GAP43: variants seen among roughly 807,000 people sequenced by gnomAD.
The protein encoded by GAP43 is growth associated protein 43.
Under a neutral mutation model 18.6 loss-of-function variants are expected in GAP43, and 6 were observed. That is an observed-to-expected ratio of 0.32 (90% CI 0.18 to 0.64). The LOEUF (loss-of-function observed/expected upper bound fraction) is 0.64. Among genes scored for constraint, GAP43 ranks in the 30% least tolerant of loss-of-function variants. The pLI, the probability that GAP43 is intolerant of heterozygous loss-of-function variation, is 0.78. For missense variants in GAP43, 292 were observed against 295.5 expected (o/e 0.99, Z 0.09); for synonymous variants, 115 against 111.4 (o/e 1.03, Z -0.20).
chr3:115,695,895 G>T (rs1325128071), intron 2 of GAP43, among the ~76,000 whole-genome samples: 2 of 152,098 alleles, frequency 1.3e-5, no homozygotes, highest in Non-Finnish European at 2.9e-5. Context: ...TTTCATGATT[G>T]CTCGTCCAGG....
chr3:115,716,845 A>G (rs1167405594), intron 2 of GAP43, among the ~76,000 whole-genome samples: 1 of 143,680 alleles, frequency 7.0e-6, no homozygotes, highest in African/African-American at 2.6e-5. Context: ...CATCTAATCG[A>G]GTTTCATCAA....
intron 2 of GAP43, among the ~76,000 whole-genome samples, chr3:115,710,163 A>T (rs1448163609): frequency 6.6e-6 from 1 of 151,868 alleles, no homozygotes; most frequent in Non-Finnish European, 1.5e-5. Flanking sequence ...AGTGTAGATA[A>T]CTTATGGTTA....
intron 2 of GAP43, among the ~76,000 whole-genome samples, chr3:115,709,276 C>A (rs571335292): frequency 1.3e-5 from 2 of 152,270 alleles, no homozygotes; most frequent in African/African-American, 4.8e-5. Context: ...TTTTTTAATG[C>A]CTTTAGGCAA....
chr3:115,626,830 A>C (rs1003608584), intron 1 of GAP43, among the ~76,000 whole-genome samples: 1 of 152,044 alleles, frequency 6.6e-6, no homozygotes, highest in African/African-American at 2.4e-5. Flanking sequence ...TGAGAGTGTG[A>C]TCTGTGGTTT....
intron 1 of GAP43, among the ~76,000 whole-genome samples, chr3:115,666,235 T>C (rs1419020347): frequency 2.6e-5 from 4 of 152,008 alleles, no homozygotes; most frequent in South Asian, 2.1e-4. Context: ...AAACAGATCT[T>C]CCCCCTTCCC....
At chr3:115,681,193 C>G (rs538906962) in intron 2 of GAP43, among the ~76,000 whole-genome samples, 2 of 152,232 alleles carry the variant, frequency 1.3e-5, no homozygotes, top group East Asian at 3.9e-4. Context: ...TTTTTATTGG[C>G]TTTTCTTGAC....
intron 2 of GAP43, among the ~76,000 whole-genome samples, chr3:115,706,226 C>T (rs995004596): frequency 2.6e-5 from 4 of 152,128 alleles, no homozygotes; most frequent in Non-Finnish European, 5.9e-5. Context: ...TTTCCTGAAA[C>T]TTAAGGAATC....
At chr3:115,664,028 C>A (rs1400200747) in intron 1 of GAP43, 1 of 996,036 alleles carries the variant, frequency 1.0e-6, no homozygotes, top group Non-Finnish European at 1.5e-6. Context: ...AACTAATGTC[C>A]TTCTACTTAG....
At chr3:115,708,201 A>G (rs1249104638) in intron 2 of GAP43, among the ~76,000 whole-genome samples, 1 of 152,226 alleles carries the variant, frequency 6.6e-6, no homozygotes, top group East Asian at 1.9e-4. Flanking sequence ...GAAGAAGACT[A>G]AAAAGATACC....
chr3:115,695,794 C>T (rs535261260), intron 2 of GAP43, among the ~76,000 whole-genome samples: 72 of 152,308 alleles, frequency 4.7e-4, no homozygotes, highest in African/African-American at 1.6e-3. Flanking sequence ...ACCTCCACAT[C>T]GCCAAAACCC....
At chr3:115,717,324 T>TA (rs1264317458) in intron 2 of GAP43, among the ~76,000 whole-genome samples, 4 of 151,448 alleles carry the variant, frequency 2.6e-5, no homozygotes, top group Admixed American at 2.0e-4. Flanking sequence ...TCTTTTTTTT[T>TA]TTTTGACAGA....
intron 2 of GAP43, among the ~76,000 whole-genome samples, chr3:115,694,288 A>G (rs1709155572): frequency 6.6e-6 from 1 of 152,210 alleles, no homozygotes; most frequent in Non-Finnish European, 1.5e-5. Context: ...CTGTATGTCT[A>G]TTGAGCTTCT....
chr3:115,670,029 G>A (rs1276980397), intron 1 of GAP43, among the ~76,000 whole-genome samples: 3 of 131,366 alleles, frequency 2.3e-5, no homozygotes, highest in African/African-American at 8.6e-5. Context: ...AAGTTTTAGG[G>A]TACATGTGCA....
chr3:115,700,372 G>A (rs1054762034), intron 2 of GAP43, among the ~76,000 whole-genome samples: 5 of 151,826 alleles, frequency 3.3e-5, no homozygotes, highest in Admixed American at 2.6e-4. Context: ...ATAAAATTAC[G>A]CCTGTTTTGT....
intron 2 of GAP43, among the ~76,000 whole-genome samples, chr3:115,716,736 A>G: frequency 9.2e-6 from 1 of 108,924 alleles, no homozygotes; most frequent in Non-Finnish European, 1.9e-5. Flanking sequence ...ATATATATAT[A>G]TATATATATA....
At chr3:115,638,040 C>T (rs1016613700) in intron 1 of GAP43, among the ~76,000 whole-genome samples, 4 of 151,968 alleles carry the variant, frequency 2.6e-5, no homozygotes, top group African/African-American at 9.7e-5. Flanking sequence ...TATGTCTTGA[C>T]TCTATCCACT....
chr3:115,664,796 T>G (rs770273519), intron 1 of GAP43, among the ~76,000 whole-genome samples: 1 of 152,160 alleles, frequency 6.6e-6, no homozygotes, highest in Non-Finnish European at 1.5e-5. Context: ...CCTTAAACTG[T>G]CCAGCAGCTT....
At chr3:115,660,474 A>G (rs1466623009) in intron 1 of GAP43, among the ~76,000 whole-genome samples, 2 of 152,248 alleles carry the variant, frequency 1.3e-5, no homozygotes, top group East Asian at 1.9e-4. Context: ...CTTAATGTAC[A>G]GACAAAGAAA....
At chr3:115,628,071 A>G (rs1708213903) in intron 1 of GAP43, among the ~76,000 whole-genome samples, 1 of 152,132 alleles carries the variant, frequency 6.6e-6, no homozygotes, top group Non-Finnish European at 1.5e-5. Flanking sequence ...AATAAAGATC[A>G]ATATAAGAAA....
Sources: gnomAD v4.1 joint callset for allele counts (sites outside exome capture counted in the v4.1 genomes callset) on GRCh38, gnomAD v4.1.1 for gene constraint, MANE v1.5 for transcripts, NCBI Gene and HGNC (gene_info 2026-07-23, HGNC 2026-07-21) for gene names.